Variants in AHI1 observed in about 807,000 individuals in gnomAD.
AHI1 encodes the protein Abelson helper integration site 1, also known as jouberin.
In AHI1, 123 loss-of-function variants were observed where a neutral mutation model predicts 149.3. That is an observed-to-expected ratio of 0.82 (90% CI 0.71 to 0.96). The LOEUF is 0.96. Ranked by LOEUF, AHI1 falls within the 40% of genes least tolerant of loss-of-function variation. The pLI is 0.00. For missense variants in AHI1, 1,439 were observed against 1,422.7 expected, an observed-to-expected ratio of 1.01 and a Z score of -0.18; for synonymous variants, 475 against 459.8, an observed-to-expected ratio of 1.03 and a Z score of -0.42.
At chr6:135,360,345 T>C (rs1289280825) in intron 23 of AHI1, among the ~76,000 whole-genome samples, 28 of 152,240 alleles carry the variant, frequency 1.8e-4, no homozygotes, top group Admixed American at 1.8e-3. Flanking sequence ...CAACAGGCTT[T>C]GAGTAAAGCA....
intron 23 of AHI1, among the ~76,000 whole-genome samples, chr6:135,386,996 T>C (rs1334656910): frequency 6.6e-6 from 1 of 151,830 alleles, no homozygotes; most frequent in African/African-American, 2.4e-5. Flanking sequence ...GATCCTGCCA[T>C]TTCAGCCTCT....
chr6:135,442,771 G>C (rs1786524152), intron 13 of AHI1, 57 bp from the exon 14 acceptor site: 1 of 1,475,602 alleles, frequency 6.8e-7, no homozygotes, highest in Admixed American at 2.0e-5. Flanking sequence ...GCGAAGGCTA[G>C]TTTTTAATTT....
rs374973889 is a variant in AHI1 at position 135,490,604 on chromosome 6, C to T, written c.135+19G>A. ...ATGCGCATATGTAAATCACTATTACCCAATGATCATTTACTTACTGAGATG... is the reference window on the plus strand; with the variant it reads ...ATGCGCATATGTAAATCACTATTACTCAATGATCATTTACTTACTGAGATG... On this transcript the variant is annotated intron_variant, in intron 5 of 28. Transcript: ENST00000265602. 146 of 1,613,082 alleles carry T rather than the reference C, an allele frequency of 9.1e-5. No homozygotes were observed. Among genetic ancestry groups the T allele is most frequent in the Non-Finnish European group, 1.1e-4 (135 of 1,179,574 alleles).
At chr6:135,494,158 C>A (rs1011910267) in intron 3 of AHI1, among the ~76,000 whole-genome samples, 2 of 152,156 alleles carry the variant, frequency 1.3e-5, no homozygotes, top group African/African-American at 4.8e-5. Context: ...CAGTACAGGG[C>A]AGTAGTTTAA....
intron 26 of AHI1, chr6:135,302,322 G>C: frequency 1.0e-6 from 1 of 985,636 alleles, no homozygotes; most frequent in Non-Finnish European, 1.2e-6. Context: ...TCCAGAGGTT[G>C]AGGGGAGAGA....
chr6:135,453,524 T>C (rs947769587), intron 10 of AHI1, 88 bp from the exon 11 acceptor site: 1 of 955,560 alleles, frequency 1.0e-6, no homozygotes. Flanking sequence ...ATCATTTGTA[T>C]AGTGCTTAAA....
At chr6:135,491,790 A>G (rs1314460859) in intron 4 of AHI1, among the ~76,000 whole-genome samples, 1 of 152,224 alleles carries the variant, frequency 6.6e-6, no homozygotes, top group Non-Finnish European at 1.5e-5. Flanking sequence ...GAAATCAGAC[A>G]TACCCATTTG....
chr6:135,464,887 T>G (rs1395087677), intron 7 of AHI1, among the ~76,000 whole-genome samples: 1 of 152,208 alleles, frequency 6.6e-6, no homozygotes, highest in African/African-American at 2.4e-5. Flanking sequence ...AGACACCCAG[T>G]GAAGTCACTC....
At chr6:135,306,036 T>G (rs147598864) in intron 26 of AHI1, among the ~76,000 whole-genome samples, 1 of 152,376 alleles carries the variant, frequency 6.6e-6, no homozygotes, top group African/African-American at 2.4e-5. Flanking sequence ...ATTTTGTGAC[T>G]CTCTGATTAA....
At chr6:135,447,300 T>C in intron 12 of AHI1, 140 bp from the exon 13 acceptor site, 1 of 602,080 alleles carries the variant, frequency 1.7e-6, no homozygotes. Flanking sequence ...TACTTTTATT[T>C]GTACATTATT....
At chr6:135,481,456 G>A (rs997794055) in intron 5 of AHI1, among the ~76,000 whole-genome samples, 9 of 151,778 alleles carry the variant, frequency 5.9e-5, no homozygotes, top group Middle Eastern at 3.2e-3. Context: ...AATCCAAAAC[G>A]CTCAAATGAG....
At chr6:135,469,563 C>T (rs1300651747) in intron 5 of AHI1, among the ~76,000 whole-genome samples, 1 of 152,140 alleles carries the variant, frequency 6.6e-6, no homozygotes, top group African/African-American at 2.4e-5. Context: ...ATCACACTAC[C>T]TGACTTCGAA....
intron 24 of AHI1, among the ~76,000 whole-genome samples, chr6:135,343,316 A>G (rs946799879): frequency 6.6e-6 from 1 of 152,006 alleles, no homozygotes; most frequent in Non-Finnish European, 1.5e-5. Flanking sequence ...AAGACTGGGA[A>G]GACTTAATGT....
chr6:135,475,098 T>C (rs996094593), intron 5 of AHI1, among the ~76,000 whole-genome samples: 3 of 152,204 alleles, frequency 2.0e-5, no homozygotes, highest in African/African-American at 7.2e-5. Context: ...ATATATAATG[T>C]TCGAGTTATC....
At chr6:135,328,156 AG>A (rs1787992452) in intron 24 of AHI1, among the ~76,000 whole-genome samples, 1 of 152,190 alleles carries the variant, frequency 6.6e-6, no homozygotes, top group East Asian at 1.9e-4. Flanking sequence ...CTTCAAGTAG[AG>A]GGTACTAGAA....
At chr6:135,289,687 C>T (rs1782104401) in intron 28 of AHI1, among the ~76,000 whole-genome samples, 1 of 150,900 alleles carries the variant, frequency 6.6e-6, no homozygotes, top group African/African-American at 2.5e-5. Flanking sequence ...AATTCCTTAG[C>T]CCATGATTAC....
chr6:135,465,688 C>T, intron 7 of AHI1, 126 bp downstream of exon 7: 1 of 752,310 alleles, frequency 1.3e-6, no homozygotes, highest in Non-Finnish European at 1.9e-6. Flanking sequence ...CTGTTCTTAT[C>T]TTAGTGACAA....
chr6:135,357,662 TATC>T (rs1426855344), intron 24 of AHI1, among the ~76,000 whole-genome samples: 7 of 152,210 alleles, frequency 4.6e-5, no homozygotes, highest in African/African-American at 7.2e-5. Context: ...TTCACACAAA[TATC>T]ATATTCAGAG....
At chr6:135,373,365 A>G (rs1041523340) in intron 23 of AHI1, among the ~76,000 whole-genome samples, 7 of 152,220 alleles carry the variant, frequency 4.6e-5, no homozygotes, top group Admixed American at 6.5e-5. Flanking sequence ...GCTTAGGTGT[A>G]GTAGGCTATA....
Sources: allele counts gnomAD v4.1 joint callset (sites outside exome capture counted in the v4.1 genomes callset), GRCh38; gene constraint gnomAD v4.1.1; transcripts MANE v1.5; gene names NCBI Gene and HGNC (gene_info 2026-07-23, HGNC 2026-07-21).